The following DYNC1I1 variants were observed in gnomAD, a reference collection of about 807,000 sequenced individuals.
DYNC1I1 encodes the protein cytoplasmic dynein 1 intermediate chain 1.
Under a neutral mutation model 86.6 loss-of-function variants are expected in DYNC1I1, and 43 were observed. That is an observed-to-expected ratio of 0.50 (90% confidence interval 0.39 to 0.64). DYNC1I1 has a LOEUF of 0.64. Among genes scored for constraint, DYNC1I1 ranks in the 30% least tolerant of loss-of-function variants. The pLI is 0.00. For synonymous variants in DYNC1I1, 262 were observed against 283.7 expected (o/e 0.92, Z 0.77); for missense variants, 604 against 788.8 (o/e 0.77, Z 2.81).
At chr7:95,846,625 CTCTGTG>C (rs1232931328) in intron 5 of DYNC1I1, among the ~76,000 whole-genome samples, 9 of 132,684 alleles carry the variant, frequency 6.8e-5, no homozygotes, top group Admixed American at 4.5e-4. Context: ...AAATCTCTCT[CTCTGTG>C]TGTGTGTGTG....
intron 10 of DYNC1I1, among the ~76,000 whole-genome samples, chr7:95,999,562 G>A (rs1793958532): frequency 6.6e-6 from 1 of 152,134 alleles, no homozygotes; most frequent in Non-Finnish European, 1.5e-5. Flanking sequence ...TCTATAAAGG[G>A]TACAGATGTC....
intron 10 of DYNC1I1, among the ~76,000 whole-genome samples, chr7:96,015,052 G>T (rs1794368666): frequency 6.6e-6 from 1 of 151,928 alleles, no homozygotes; most frequent in South Asian, 2.1e-4. Flanking sequence ...CAATTCCAAA[G>T]ATAAAAGACA....
At chr7:96,040,716 GT>G (rs61104103) in intron 14 of DYNC1I1, among the ~76,000 whole-genome samples, 2,188 of 144,818 alleles carry the variant, frequency 0.015, 17 homozygotes, top group African/African-American at 0.031. Context: ...CAAATGAGTA[GT>G]TTTTTTTTTT....
At chr7:96,043,789 C>A (rs545598538) in intron 14 of DYNC1I1, among the ~76,000 whole-genome samples, 4 of 152,140 alleles carry the variant, frequency 2.6e-5, no homozygotes, top group South Asian at 2.1e-4. Flanking sequence ...CGGCTCACTG[C>A]AACCTCCACC....
chr7:95,860,200 C>A (rs6968937), intron 5 of DYNC1I1, among the ~76,000 whole-genome samples: 30,978 of 152,084 alleles, frequency 0.2, 3,652 homozygotes, highest in East Asian at 0.45. Flanking sequence ...TTGATGTATT[C>A]TATCTCCTCA....
intron 1 of DYNC1I1, among the ~76,000 whole-genome samples, chr7:95,792,889 CA>C (rs34026021): frequency 0.13 from 18,448 of 147,184 alleles, 1,208 homozygotes; most frequent in African/African-American, 0.18. Context: ...GGTACAAAGG[CA>C]AAAAAAAACC....
At chr7:96,045,598 C>G (rs1789186436) in intron 14 of DYNC1I1, among the ~76,000 whole-genome samples, 1 of 152,174 alleles carries the variant, frequency 6.6e-6, no homozygotes, top group Admixed American at 6.5e-5. Flanking sequence ...AGAAGCTGAC[C>G]CTCTCACTAT....
In DYNC1I1 at chr7:96,044,885, G is replaced by T. The variant is rs547036734; in HGVS notation, c.1509+5464G>T. 3.3e-5 allele frequency among the ~76,000 whole-genome samples: 5 copies of T among 152,180 alleles called. No individual in the cohort carries two copies. In the South Asian group the frequency reaches 8.3e-4, roughly 25 times the overall value. On this transcript the variant is annotated intron_variant, in intron 14 of 16. Transcript: ENST00000447467. Reference sequence around the variant, plus strand: ...TGGTCAGTGTGGTGGGTCCAGTTGCGGTCAGAAACCAGAATGTTTTAGCAG... The same window carrying T: ...TGGTCAGTGTGGTGGGTCCAGTTGCTGTCAGAAACCAGAATGTTTTAGCAG...
In DYNC1I1 at chr7:96,028,217, T is replaced by C; in HGVS notation, c.1012T>C (p.Leu338=). The change falls in exon 11 of 17, where the codon TTG becomes CTG. Residue 338 remains leucine, a synonymous_variant. Transcript: ENST00000447467. ...SVCFARFHPN[L]VVGGTYSGQI... ...CTGCTTCGCCCGTTTCCATCCTAACTTGGTGGTTGGTGGGACTTACTCGGG... is the reference window on the plus strand; with the variant it reads ...CTGCTTCGCCCGTTTCCATCCTAACCTGGTGGTTGGTGGGACTTACTCGGG... 2 of 1,613,902 alleles carry C rather than the reference T, an allele frequency of 1.2e-6. No individual in the cohort carries two copies. The highest frequency in any genetic ancestry group is 1.1e-5 in the South Asian group (1 of 91,058).
chr7:95,802,845 A>G (rs1794613623), intron 1 of DYNC1I1: 1 of 152,176 alleles, frequency 6.6e-6, no homozygotes, highest in Non-Finnish European at 1.5e-5. Flanking sequence ...AGTTGAATTT[A>G]TCCACATCTC....
At position 95,940,705 on chromosome 7, in the gene DYNC1I1, T is replaced by A. The variant is rs572391252; in HGVS notation, c.491-36807T>A. On this transcript the variant is annotated intron_variant, in intron 6 of 16. Coordinates refer to ENST00000447467, the MANE Select transcript of DYNC1I1 (RefSeq NM_001135556.2). ...ATTCTAGTTAATACATTCGTCTAAA[T>A]CTTTTTCAAAGTTTTCAACTTCTTT... is the stretch of plus-strand genomic sequence containing the variant. Among the ~76,000 whole-genome samples, 13 of 152,342 alleles carry A rather than the reference T, an allele frequency of 8.5e-5. No individual in the cohort carries two copies. The South Asian group carries it at 2.7e-3, about 32-fold the overall frequency.
At chr7:95,787,630 T>C (rs549210043) in intron 1 of DYNC1I1, among the ~76,000 whole-genome samples, 1 of 152,198 alleles carries the variant, frequency 6.6e-6, no homozygotes, top group Admixed American at 6.5e-5. Context: ...AAATATTATC[T>C]ACTCTGACCA....
intron 6 of DYNC1I1, among the ~76,000 whole-genome samples, chr7:95,949,950 G>C (rs1380559920): frequency 6.8e-6 from 1 of 146,736 alleles, no homozygotes; most frequent in Non-Finnish European, 1.5e-5. Context: ...GCTAGTTTTA[G>C]TTTTCCATTA....
intron 16 of DYNC1I1, among the ~76,000 whole-genome samples, chr7:96,107,527 TTTC>T (rs1791234531): frequency 6.6e-6 from 1 of 150,818 alleles, no homozygotes; most frequent in South Asian, 2.1e-4. Context: ...GATATCGTAA[TTTC>T]TTCTTTTTTT....
intron 5 of DYNC1I1, among the ~76,000 whole-genome samples, chr7:95,851,253 C>G (rs1361931874): frequency 6.6e-6 from 1 of 152,014 alleles, no homozygotes; most frequent in East Asian, 1.9e-4. Flanking sequence ...AACATTTGAT[C>G]TGATAACTGA....
intron 8 of DYNC1I1, 35 bp downstream of exon 8, chr7:95,985,012 G>C: frequency 6.3e-7 from 1 of 1,597,368 alleles, no homozygotes. Flanking sequence ...AAAAAATAGC[G>C]TAAGTTATCT....
At chr7:96,042,868 G>A (rs1308361633) in intron 14 of DYNC1I1, among the ~76,000 whole-genome samples, 1 of 151,952 alleles carries the variant, frequency 6.6e-6, no homozygotes, top group Non-Finnish European at 1.5e-5. Flanking sequence ...GCTAATATAG[G>A]AATAAAAAAT....
chr7:95,908,628 C>T (rs1289545179), intron 6 of DYNC1I1, among the ~76,000 whole-genome samples: 4 of 151,842 alleles, frequency 2.6e-5, no homozygotes, highest in African/African-American at 7.3e-5. Context: ...CTGGGTGGGG[C>T]GAGGGGTGGG....
chr7:95,780,470 G>C (rs1446227943), intron 1 of DYNC1I1, among the ~76,000 whole-genome samples: 1 of 149,038 alleles, frequency 6.7e-6, no homozygotes, highest in Non-Finnish European at 1.5e-5. Flanking sequence ...AGTAGAGACG[G>C]GGTTTCACCA....
Sources: gnomAD v4.1 joint callset for allele counts (sites outside exome capture counted in the v4.1 genomes callset) on GRCh38, gnomAD v4.1.1 for gene constraint, MANE v1.5 for transcripts, NCBI Gene and HGNC (gene_info 2026-07-23, HGNC 2026-07-21) for gene names.